The following DRC3 variants were observed in gnomAD, a reference collection of about 807,000 sequenced individuals.
DRC3 encodes leucine rich repeat containing 48.
In DRC3, 45 loss-of-function variants were observed where a neutral mutation model predicts 57.6. That is an observed-to-expected ratio of 0.78 (90% CI 0.62 to 1.00). The LOEUF is 1.00. Ranked by LOEUF, DRC3 falls within the 50% of genes least tolerant of loss-of-function variation. DRC3 has a pLI of 0.00. For missense variants in DRC3, 655 were observed against 675.2 expected (o/e 0.97, Z 0.33); for synonymous variants, 257 against 272.3 (o/e 0.94, Z 0.55).
chr17:17,976,166 AAGAT>A (rs2145179428), intron 2 of DRC3, among the ~76,000 whole-genome samples: 1 of 152,228 alleles, frequency 6.6e-6, no homozygotes, highest in East Asian at 1.9e-4. Context: ...CATGTAGACA[AAGAT>A]AGGAAGTAGG....
intron 3 of DRC3, among the ~76,000 whole-genome samples, chr17:17,979,441 C>G (rs1351854766): frequency 2.0e-5 from 3 of 152,332 alleles, no homozygotes; most frequent in African/African-American, 7.2e-5. Flanking sequence ...AAGATGGCCA[C>G]TGCTGTACTC....
At chr17:17,989,044 A>C (rs1360379570) in intron 5 of DRC3, among the ~76,000 whole-genome samples, 3 of 152,208 alleles carry the variant, frequency 2.0e-5, no homozygotes, top group East Asian at 1.9e-4. Context: ...GTTCGGTGTC[A>C]GGCTGGGGTG....
intron 5 of DRC3, among the ~76,000 whole-genome samples, chr17:17,990,379 A>AC (rs1416743075): frequency 6.6e-6 from 1 of 152,168 alleles, no homozygotes; most frequent in African/African-American, 2.4e-5. Context: ...TCAGCCCCTG[A>AC]CCTTGTCTCT....
At chr17:18,011,356 C>T (rs560885509) in intron 12 of DRC3, 56 of 341,114 alleles carry the variant, frequency 1.6e-4, no homozygotes, top group Non-Finnish European at 2.4e-4. Flanking sequence ...TTACAATGGC[C>T]GTGTCACTCT....
Position 17,972,877 on chromosome 17 carries a change from T to A in DRC3, c.-226T>A, listed in dbSNP as rs150032341. 6.5e-6 allele frequency: 1 copy of A among 153,116 alleles called. No individual in the cohort carries two copies. The highest frequency in any genetic ancestry group is 1.9e-4 in the East Asian group (1 of 5,184). 9.5% of individuals were successfully genotyped at this position (153,116 alleles called of 1,614,324 possible). A position where few individuals can be genotyped will look rare whatever the true frequency, so the allele number is the denominator to read the frequency against. On this transcript the variant is annotated 5_prime_UTR_variant, in exon 1 of 14. It removes the in-frame stop codon of an upstream open reading frame in the 5' UTR. Coordinates refer to ENST00000399187, the MANE Select transcript of DRC3 (RefSeq NM_031294.4). The stretch of plus-strand genomic sequence containing the variant: ...ACTTTCACCCAGGATGTCTCCCTTC[T>A]GACTTCCCCTTAGCAACCAAGTCGC...
At chr17:17,983,762 C>A in intron 3 of DRC3, 66 bp from the exon 4 acceptor site, 1 of 1,172,486 alleles carries the variant, frequency 8.5e-7, no homozygotes, top group Non-Finnish European at 1.3e-6. Flanking sequence ...CTGCCTCACT[C>A]CTCCTGTACA....
chr17:18,011,808 T>A (rs1415046289), intron 12 of DRC3: 4 of 187,630 alleles, frequency 2.1e-5, no homozygotes, highest in Non-Finnish European at 2.3e-5. Flanking sequence ...GGACTCAGGC[T>A]TCAGCTGTGG....
chr17:18,007,077 T>TCTCTATCAGCACCCTGGAGAA lies in DRC3; in HGVS notation c.1257_1277dup (p.Glu425_Lys426insAsnSerIleSerThrLeuGlu), dbSNP rs764373790. The TCTCTATCAGCACCCTGGAGAA allele has an allele frequency of 6.7e-7, 1 of 1,501,842 alleles. No homozygotes were observed. 93.0% of individuals were successfully genotyped at this position (1,501,842 alleles called of 1,614,324 possible). A position where few individuals can be genotyped will look rare whatever the true frequency, so the allele number is the denominator to read the frequency against. ...CACCACCACGAGAAGCTCCTGGAGA[T>TCTCTATCAGCACCCTGGAGAA]CTCTATCAGCACCCTGGAGAAGATT... is the stretch of plus-strand genomic sequence containing the variant. On this transcript the variant is annotated inframe_insertion, in exon 12 of 14. Coordinates refer to ENST00000399187, the MANE Select transcript of DRC3 (RefSeq NM_031294.4).
intron 8 of DRC3, 83 bp from the exon 9 acceptor site, chr17:17,997,377 T>C: frequency 7.5e-7 from 1 of 1,338,294 alleles, no homozygotes. Context: ...GTCTGTGCAC[T>C]GTGCCAGGGT....
intron 9 of DRC3, among the ~76,000 whole-genome samples, chr17:18,000,083 T>TGA (rs2043641621): frequency 6.7e-6 from 1 of 148,482 alleles, no homozygotes; most frequent in African/African-American, 2.6e-5. Context: ...CTTTCGTGTG[T>TGA]GTGTGTGTGT....
chr17:18,016,217 C>T, intron 13 of DRC3, 22 bp downstream of exon 13: 1 of 1,607,386 alleles, frequency 6.2e-7, no homozygotes. Flanking sequence ...CCAAGCCATC[C>T]TAGCAGGCTG....
chr17:18,004,549 C>T, intron 10 of DRC3, 55 bp downstream of exon 10: 3 of 1,575,530 alleles, frequency 1.9e-6, no homozygotes, highest in Non-Finnish European at 2.6e-6. Context: ...GCTGCACATC[C>T]ATAGGTGAAC....
intron 5 of DRC3, among the ~76,000 whole-genome samples, chr17:17,990,733 T>C (rs1050575738): frequency 1.3e-5 from 2 of 152,218 alleles, no homozygotes; most frequent in African/African-American, 4.8e-5. Context: ...GGTTCACACC[T>C]GTAATCCCAG....
Position 18,004,432 on chromosome 17 carries a change from G to C in DRC3, c.1069G>C (p.Asp357His). 1.9e-6 allele frequency: 3 copies of C among 1,610,654 alleles called. No individual in the cohort carries two copies. The highest frequency in any genetic ancestry group is 2.5e-6 in the Non-Finnish European group (3 of 1,178,496). The change falls in exon 10 of 14, where the codon GAC (aspartate) becomes CAC (histidine). Residue 357 changes from aspartate to histidine, a missense_variant. Physicochemically the swap from Asp to His is moderately conservative, Grantham distance 81. Coordinates refer to ENST00000399187, the MANE Select transcript of DRC3 (RefSeq NM_031294.4). ...GAAGATGATCCTAGAATGCAGTGCT[G>C]ACATCAGTGAGTTGTTCGATGCGCT... is the stretch of plus-strand genomic sequence containing the variant. Reference protein sequence around the residue: ...IEKMILECSADISELFDALMT... With the variant: ...IEKMILECSAHISELFDALMT...
intron 2 of DRC3, among the ~76,000 whole-genome samples, chr17:17,975,524 C>CG (rs984286606): frequency 6.8e-6 from 1 of 146,640 alleles, no homozygotes; most frequent in African/African-American, 2.6e-5. Flanking sequence ...CACCCCCCCC[C>CG]CAAAAAAAAG....
At position 17,985,542 on chromosome 17, in the gene DRC3, G is replaced by A. The variant is rs1367223158; in HGVS notation, c.277+1598G>A. Among the ~76,000 whole-genome samples, 9 of 152,300 alleles carry A rather than the reference G, an allele frequency of 5.9e-5. No homozygotes were observed. The East Asian group carries it at 1.7e-3, about 29-fold the overall frequency. On this transcript the variant is annotated intron_variant, in intron 4 of 13. Coordinates refer to ENST00000399187, the MANE Select transcript of DRC3 (RefSeq NM_031294.4). Reference sequence around the variant, plus strand: ...AGGTGGCACTCCCATGGTTCAGCACGACCTCCCACACTGACATGCACAGGG... The same window carrying A: ...AGGTGGCACTCCCATGGTTCAGCACAACCTCCCACACTGACATGCACAGGG...
chr17:17,997,222 A>T (rs2043496201), intron 8 of DRC3, among the ~76,000 whole-genome samples: 1 of 152,136 alleles, frequency 6.6e-6, no homozygotes, highest in African/African-American at 2.4e-5. Flanking sequence ...CCCATTCCTG[A>T]ATCCCTCAGG....
At chr17:18,010,373 T>C (rs974206948) in intron 12 of DRC3, among the ~76,000 whole-genome samples, 3 of 152,152 alleles carry the variant, frequency 2.0e-5, no homozygotes, top group African/African-American at 7.2e-5. Context: ...GCTGTTGCCT[T>C]CTCAAAAGTC....
At chr17:17,980,905 T>C (rs1487143343) in intron 3 of DRC3, among the ~76,000 whole-genome samples, 1 of 152,214 alleles carries the variant, frequency 6.6e-6, no homozygotes, top group Non-Finnish European at 1.5e-5. Flanking sequence ...TAATTTGTAT[T>C]TGTATTTTTT....
Sources: allele counts gnomAD v4.1 joint callset (sites outside exome capture counted in the v4.1 genomes callset), GRCh38; gene constraint gnomAD v4.1.1; transcripts MANE v1.5; gene names NCBI Gene and HGNC (gene_info 2026-07-23, HGNC 2026-07-21).